PKNOX2: variants seen among roughly 807,000 people sequenced by gnomAD.
The protein encoded by PKNOX2 is homeobox protein PKNOX2.
In PKNOX2, 14 loss-of-function variants were observed where a neutral mutation model predicts 53.1. The ratio of observed to expected loss-of-function variants is 0.26; its 90% CI spans 0.17 to 0.41. PKNOX2 has a LOEUF of 0.41. Among genes scored for constraint, PKNOX2 ranks in the 10% least tolerant of loss-of-function variants. PKNOX2 has a pLI of 1.00. For synonymous variants in PKNOX2, 257 were observed against 242.8 expected, an observed-to-expected ratio of 1.06 and a Z score of -0.54; for missense variants, 496 against 602.8, an observed-to-expected ratio of 0.82 and a Z score of 1.85.
chr11:125,340,478 C>T (rs780140624), intron 3 of PKNOX2, among the ~76,000 whole-genome samples: 3 of 152,202 alleles, frequency 2.0e-5, no homozygotes, highest in Non-Finnish European at 2.9e-5. Context: ...CTGGAAACTT[C>T]CTCAAAGCCC....
At chr11:125,380,507 T>C (rs1297513321) in intron 5 of PKNOX2, among the ~76,000 whole-genome samples, 1 of 152,066 alleles carries the variant, frequency 6.6e-6, no homozygotes, top group East Asian at 1.9e-4. Flanking sequence ...GCTCTTTGGA[T>C]ATAAAGTCTA....
Position 125,401,492 on chromosome 11 carries a change from A to G in PKNOX2, c.588+3430A>G, listed in dbSNP as rs568327424. Among the ~76,000 whole-genome samples, 90 of 152,262 alleles carry G rather than the reference A, an allele frequency of 5.9e-4. 4 individuals are homozygous for G. The South Asian group carries it at 0.018, about 31-fold the overall frequency. ...TCAGGCTTCAGGGGTAAATACGGTAATTACACATAGGCTATGGCAGGAGCT... is the reference window on the plus strand; with the variant it reads ...TCAGGCTTCAGGGGTAAATACGGTAGTTACACATAGGCTATGGCAGGAGCT... On this transcript the variant is annotated intron_variant, in intron 7 of 12. Transcript: ENST00000298282.
At chr11:125,311,177 C>T (rs1373254373) in intron 2 of PKNOX2, among the ~76,000 whole-genome samples, 7 of 152,162 alleles carry the variant, frequency 4.6e-5, no homozygotes, top group African/African-American at 1.7e-4. Context: ...ACTTTTAAAT[C>T]ATCACAGAAC....
rs938174294 is a variant in PKNOX2 at position 125,433,234 on chromosome 11, T to TC, written c.*1847dup. 1 of 152,602 alleles carries TC rather than the reference T, an allele frequency of 6.6e-6. No homozygotes were observed. Among genetic ancestry groups the TC allele is most frequent in the Non-Finnish European group, 1.5e-5 (1 of 68,080 alleles). The allele number at this position is 152,602 out of a possible 1,614,324, so 9.5% of individuals were successfully genotyped here. ...GTTCCACTCACCACCTGGACAGGCG[T>TC]CCCCCAGCACGGACACACTGGCACA... is the stretch of plus-strand genomic sequence containing the variant. On this transcript the variant is annotated 3_prime_UTR_variant, in exon 13 of 13. Transcript: ENST00000298282.
At chr11:125,192,101 C>T (rs959487390) in intron 1 of PKNOX2, among the ~76,000 whole-genome samples, 7 of 152,010 alleles carry the variant, frequency 4.6e-5, no homozygotes, top group African/African-American at 1.2e-4. Context: ...TGGGGAATTG[C>T]GGCAGGGGGA....
At chr11:125,423,846 A>G (rs1398515572) in intron 10 of PKNOX2, among the ~76,000 whole-genome samples, 1 of 152,238 alleles carries the variant, frequency 6.6e-6, no homozygotes, top group Non-Finnish European at 1.5e-5. Flanking sequence ...AGATTGACAC[A>G]GAAACCAGAG....
In PKNOX2 at chr11:125,371,930, CA is replaced by C. The variant is rs1952572888; in HGVS notation, c.227+3947del. On this transcript the variant is annotated intron_variant, in intron 5 of 12. Coordinates refer to ENST00000298282, the MANE Select transcript of PKNOX2 (RefSeq NM_001382323.2). ...CCTGTCTCCTTTGTGGCATTACTCA[CA>C]ATTGAATTAACTGTGTTAGCATTTG... Among the ~76,000 whole-genome samples, 3 of 152,266 alleles carry C rather than the reference CA, an allele frequency of 2.0e-5. No individual in the cohort carries two copies. In the South Asian group the frequency reaches 6.2e-4, roughly 32 times the overall value.
At chr11:125,420,145 C>T (rs1336943613) in intron 10 of PKNOX2, among the ~76,000 whole-genome samples, 3 of 151,302 alleles carry the variant, frequency 2.0e-5, no homozygotes, top group Non-Finnish European at 4.4e-5. Flanking sequence ...CCTGATTGTG[C>T]CACTGCACTC....
intron 5 of PKNOX2, among the ~76,000 whole-genome samples, chr11:125,382,178 G>A (rs1312008708): frequency 2.0e-5 from 3 of 152,210 alleles, no homozygotes; most frequent in Non-Finnish European, 4.4e-5. Context: ...CAGCACCCCA[G>A]TTACATACAC....
chr11:125,187,458 T>C (rs996080626), intron 1 of PKNOX2, among the ~76,000 whole-genome samples: 7 of 152,120 alleles, frequency 4.6e-5, no homozygotes, highest in African/African-American at 1.7e-4. Context: ...AAAAATATAC[T>C]ATTTTAAACA....
intron 1 of PKNOX2, among the ~76,000 whole-genome samples, chr11:125,197,776 G>A (rs960479584): frequency 6.6e-6 from 1 of 152,188 alleles, no homozygotes; most frequent in Admixed American, 6.5e-5. Flanking sequence ...ACGGCTGCCG[G>A]TGCAGAGCTG....
Position 125,350,112 on chromosome 11 carries a change from G to T in PKNOX2, c.-22-1172G>T, listed in dbSNP as rs1383934068. 3.9e-5 allele frequency among the ~76,000 whole-genome samples: 6 copies of T among 152,268 alleles called. No homozygotes were observed. In the East Asian group the frequency reaches 1.2e-3, roughly 29 times the overall value. On this transcript the variant is annotated intron_variant, in intron 3 of 12. Transcript: ENST00000298282. ...AGAACACGTCCTGCACTCCACAGAG[G>T]CTCTTAGCAACCTCCTACCCTACAG...
chr11:125,318,632 T>C (rs1369945489), intron 2 of PKNOX2, among the ~76,000 whole-genome samples: 2 of 152,222 alleles, frequency 1.3e-5, no homozygotes, highest in African/African-American at 2.4e-5. Flanking sequence ...TTTAAACTTC[T>C]CTCAAGAACT....
chr11:125,407,487 T>C (rs1955177940), intron 7 of PKNOX2, among the ~76,000 whole-genome samples: 1 of 152,216 alleles, frequency 6.6e-6, no homozygotes, highest in African/African-American at 2.4e-5. Flanking sequence ...ATGTTTGAAA[T>C]TCTCAAATAT....
In PKNOX2 at chr11:125,352,476, T is replaced by A. The variant is rs574287939; in HGVS notation, c.87+1084T>A. Among the ~76,000 whole-genome samples the A allele has an allele frequency of 6.6e-6, 1 of 152,294 alleles. No homozygotes were observed. Among genetic ancestry groups the A allele is most frequent in the African/African-American group, 2.4e-5 (1 of 41,558 alleles). On this transcript the variant is annotated intron_variant, in intron 4 of 12. Coordinates refer to ENST00000298282, the MANE Select transcript of PKNOX2 (RefSeq NM_001382323.2). The surrounding 1 kb of genome is among the most constrained non-coding windows in gnomAD (Gnocchi z 4.1). ...GCATTTTCAAACACAGTGGTTCTCA[T>A]GGGCCACACGGAAGATTTGTGCAGC...
At chr11:125,294,206 T>C (rs892288380) in intron 2 of PKNOX2, among the ~76,000 whole-genome samples, 1 of 152,260 alleles carries the variant, frequency 6.6e-6, no homozygotes, top group Non-Finnish European at 1.5e-5. Context: ...GAAGTTGTTT[T>C]TGATATTCCT....
chr11:125,309,048 G>T (rs528179264), intron 2 of PKNOX2, among the ~76,000 whole-genome samples: 1 of 152,228 alleles, frequency 6.6e-6, no homozygotes, highest in South Asian at 2.1e-4. Context: ...CTCCTGTGTG[G>T]TCTGAACCAT....
At chr11:125,297,457 TAG>T (rs1947730570) in intron 2 of PKNOX2, among the ~76,000 whole-genome samples, 1 of 152,220 alleles carries the variant, frequency 6.6e-6, no homozygotes, top group Non-Finnish European at 1.5e-5. Context: ...TGCGGTATAC[TAG>T]AAGTAGGAAC....
At chr11:125,338,118 T>C (rs1018592537) in intron 3 of PKNOX2, among the ~76,000 whole-genome samples, 11 of 152,140 alleles carry the variant, frequency 7.2e-5, no homozygotes, top group African/African-American at 2.7e-4. Context: ...CAGCATCCGC[T>C]CTCTGTCCCC....
Sources: gnomAD v4.1 joint callset for allele counts (sites outside exome capture counted in the v4.1 genomes callset) on GRCh38, gnomAD v4.1.1 for gene constraint, Gnocchi (gnomAD v3.1) non-coding constraint, MANE v1.5 for transcripts, NCBI Gene and HGNC (gene_info 2026-07-23, HGNC 2026-07-21) for gene names.